TNPO1: variants seen among roughly 807,000 people sequenced by gnomAD.
TNPO1 encodes the protein transportin 1, also known as transportin-1.
TNPO1 carries 8 observed loss-of-function variants against 119.5 expected under a neutral mutation model. The observed-to-expected ratio is 0.07, with a 90% CI of 0.04 to 0.12. The LOEUF (loss-of-function observed/expected upper bound fraction) is 0.12, where lower values mean the gene tolerates loss of function less well. Ranked by LOEUF, TNPO1 falls within the 10% of genes least tolerant of loss-of-function variation. The probability of loss-of-function intolerance (pLI) is 1.00; values close to 1 mark genes in which losing one functional copy is unlikely to be tolerated. For synonymous variants in TNPO1, 362 were observed against 363.0 expected (o/e 1.00, Z 0.03); for missense variants, 576 against 1,089.8 (o/e 0.53, Z 6.64).
At chr5:72,888,938 C>T (rs62363386) in intron 13 of TNPO1, among the ~76,000 whole-genome samples, 3,801 of 152,198 alleles carry the variant, frequency 0.025, 82 homozygotes, top group Non-Finnish European at 0.035. Context: ...CTGCAATATA[C>T]CTTTATATTT....
At chr5:72,903,424 C>G (rs1399333257) in intron 22 of TNPO1, among the ~76,000 whole-genome samples, 1 of 152,062 alleles carries the variant, frequency 6.6e-6, no homozygotes, top group Non-Finnish European at 1.5e-5. Flanking sequence ...GCTTTCAGTT[C>G]ATTTCTGATG....
intron 1 of TNPO1, among the ~76,000 whole-genome samples, chr5:72,822,147 A>G (rs1743987467): frequency 1.3e-5 from 2 of 152,222 alleles, no homozygotes; most frequent in Admixed American, 6.5e-5. Flanking sequence ...ATTGATTTGT[A>G]TGAATCATTA....
chr5:72,854,038 A>G (rs1745798413), intron 3 of TNPO1, among the ~76,000 whole-genome samples: 1 of 152,158 alleles, frequency 6.6e-6, no homozygotes, highest in Non-Finnish European at 1.5e-5. Flanking sequence ...TCATCTTGTA[A>G]CCTTTATGGT....
intron 1 of TNPO1, among the ~76,000 whole-genome samples, chr5:72,841,247 A>C (rs779633610): frequency 1.1e-4 from 17 of 151,318 alleles, no homozygotes; most frequent in Admixed American, 2.6e-4. Flanking sequence ...CAGCCTCCCT[A>C]GTAGGGATTA....
At chr5:72,863,335 T>G (rs60650434) in intron 5 of TNPO1, among the ~76,000 whole-genome samples, 10,123 of 152,112 alleles carry the variant, frequency 0.067, 1,117 homozygotes, top group African/African-American at 0.23. Context: ...AAAAAGAAAC[T>G]ATCCGCCATG....
chr5:72,866,034 G>GT (rs902906366), intron 6 of TNPO1, among the ~76,000 whole-genome samples: 10 of 148,396 alleles, frequency 6.7e-5, no homozygotes, highest in South Asian at 2.1e-4. Context: ...TTAGTTGTGG[G>GT]TTTTTTGTTT....
intron 3 of TNPO1, among the ~76,000 whole-genome samples, chr5:72,851,682 C>CA (rs1379701569): frequency 6.6e-6 from 1 of 152,122 alleles, no homozygotes; most frequent in Non-Finnish European, 1.5e-5. Flanking sequence ...TTAGTAGAGA[C>CA]AGAGTTTTGC....
intron 1 of TNPO1, among the ~76,000 whole-genome samples, chr5:72,832,454 A>C (rs2112193608): frequency 6.6e-6 from 1 of 152,220 alleles, no homozygotes. Context: ...TTGTTGGAAT[A>C]TTTTAGGAGC....
At chr5:72,855,731 TAA>T (rs1157574725) in intron 3 of TNPO1, 41 bp from the exon 4 acceptor site, 5 of 1,497,786 alleles carry the variant, frequency 3.3e-6, no homozygotes, top group Non-Finnish European at 3.6e-6. Flanking sequence ...ATTTTGAAAT[TAA>T]GACTACTTCA....
intron 11 of TNPO1, 124 bp downstream of exon 11, chr5:72,883,356 G>C: frequency 1.6e-6 from 1 of 632,172 alleles, no homozygotes; most frequent in Non-Finnish European, 2.9e-6. Context: ...AGTATATTCA[G>C]AGAGCTGTTC....
chr5:72,869,958 T>C (rs1000837669), intron 6 of TNPO1, among the ~76,000 whole-genome samples: 1 of 152,190 alleles, frequency 6.6e-6, no homozygotes, highest in African/African-American at 2.4e-5. Flanking sequence ...TTATCATCTG[T>C]ATTTCTGGCC....
In TNPO1 at chr5:72,844,545, C is replaced by G. The variant is rs1467477696; in HGVS notation, c.16-3840C>G. 2.0e-5 allele frequency among the ~76,000 whole-genome samples: 3 copies of G among 152,210 alleles called. No homozygotes were observed. The East Asian group carries it at 5.8e-4, about 29-fold the overall frequency. On this transcript the variant is annotated intron_variant, in intron 1 of 24. Transcript: ENST00000337273. ...GAACCAGATGATGAAGAGACTTCTT[C>G]CATGAAAAGAAGTTAGATTTTATCT...
At chr5:72,856,391 C>T (rs893646514) in intron 4 of TNPO1, among the ~76,000 whole-genome samples, 2 of 152,082 alleles carry the variant, frequency 1.3e-5, no homozygotes, top group African/African-American at 4.8e-5. Flanking sequence ...GCCACCATGC[C>T]TGGCTAATTT....
chr5:72,879,389 AACTCTATT>A (rs1748060351), intron 9 of TNPO1, among the ~76,000 whole-genome samples: 1 of 152,224 alleles, frequency 6.6e-6, no homozygotes, highest in African/African-American at 2.4e-5. Flanking sequence ...TAGGTACTCT[AACTCTATT>A]ACTGCACTAA....
rs977444154 is a variant in TNPO1 at position 72,911,286 on chromosome 5, A to G, written c.*2613A>G. 6.6e-6 allele frequency: 1 copy of G among 152,088 alleles called. No individual in the cohort carries two copies. Among genetic ancestry groups the G allele is most frequent in the Non-Finnish European group, 1.5e-5 (1 of 67,910 alleles). 9.4% of individuals were successfully genotyped at this position (152,088 alleles called of 1,614,324 possible). On this transcript the variant is annotated 3_prime_UTR_variant, in exon 25 of 25. Coordinates refer to ENST00000337273, the MANE Select transcript of TNPO1 (RefSeq NM_002270.4). ...TCCAGTTAGGCAGATGAATAACACT[A>G]TTAAAAATGCACCCAGTTTTGTAGT...
intron 6 of TNPO1, among the ~76,000 whole-genome samples, chr5:72,870,701 A>G (rs1272284011): frequency 6.6e-6 from 1 of 152,156 alleles, no homozygotes; most frequent in African/African-American, 2.4e-5. Flanking sequence ...ACTGTTCCCA[A>G]GTTTCTAAAA....
intron 22 of TNPO1, among the ~76,000 whole-genome samples, chr5:72,902,645 T>C (rs1225442979): frequency 6.6e-6 from 1 of 152,164 alleles, no homozygotes. Flanking sequence ...TTTGAATTAA[T>C]GTTTTAAGAT....
At chr5:72,888,347 A>C (rs1419815500) in intron 13 of TNPO1, 44 bp downstream of exon 13, 2 of 1,554,236 alleles carry the variant, frequency 1.3e-6, no homozygotes, top group East Asian at 2.3e-5. Context: ...GCAGTGAAAA[A>C]CTTAATTTTC....
chr5:72,857,550 C>T (rs1326108011), intron 4 of TNPO1, among the ~76,000 whole-genome samples: 1 of 152,172 alleles, frequency 6.6e-6, no homozygotes, highest in South Asian at 2.1e-4. Flanking sequence ...ACTCTTGACA[C>T]TGTTAAAAAG....
Sources: gnomAD v4.1 joint callset for allele counts (sites outside exome capture counted in the v4.1 genomes callset) on GRCh38, gnomAD v4.1.1 for gene constraint, MANE v1.5 for transcripts, NCBI Gene and HGNC (gene_info 2026-07-23, HGNC 2026-07-21) for gene names.